Variants in APLF observed in about 807,000 individuals in gnomAD.
APLF encodes aprataxin and PNKP like factor.
A neutral mutation model predicts 55.6 loss-of-function variants in APLF; 61 were observed. The observed-to-expected ratio is 1.10, with a 90% CI of 0.89 to 1.36. The LOEUF (loss-of-function observed/expected upper bound fraction) is 1.36, where lower values mean the gene tolerates loss of function less well. Ranked by LOEUF, APLF falls within the 40% of genes most tolerant of loss-of-function variation. The probability of loss-of-function intolerance (pLI) is 0.00; values close to 1 mark genes in which losing one functional copy is unlikely to be tolerated. For missense variants in APLF, 611 were observed against 602.5 expected (o/e 1.01, Z -0.15); for synonymous variants, 207 against 214.8 (o/e 0.96, Z 0.32).
intron 8 of APLF, among the ~76,000 whole-genome samples, chr2:68,546,487 T>A (rs1670709500): frequency 6.6e-6 from 1 of 151,990 alleles, no homozygotes; most frequent in Non-Finnish European, 1.5e-5. Flanking sequence ...AGGATAAGCT[T>A]ACTTTTGAAC....
intron 5 of APLF, among the ~76,000 whole-genome samples, chr2:68,517,114 A>AATACGTTATTGATCTATAACATATTAAT (rs1471871857): frequency 1.6e-5 from 2 of 124,888 alleles, no homozygotes; most frequent in South Asian, 2.3e-4. Context: ...AATATATAAT[A>AATACGTTATTGATCTATAACATATTAAT]ATACGTTATT....
At chr2:68,535,512 T>C (rs1670362200) in intron 6 of APLF, 2 of 177,528 alleles carry the variant, frequency 1.1e-5, no homozygotes, top group Admixed American at 1.3e-4. Context: ...TTAAAAAATA[T>C]CTTTAGGTGT....
intron 9 of APLF, chr2:68,568,142 C>T (rs1005702230): frequency 5.3e-5 from 18 of 338,342 alleles, no homozygotes; most frequent in Non-Finnish European, 7.5e-5. Context: ...TCCTACTTAC[C>T]TCAATCTGTT....
chr2:68,479,626 T>C (rs948680143), intron 1 of APLF, among the ~76,000 whole-genome samples: 1 of 152,232 alleles, frequency 6.6e-6, no homozygotes, highest in African/African-American at 2.4e-5. Flanking sequence ...AGACTGCTTT[T>C]CTTTTACAAC....
Position 68,490,267 on chromosome 2 carries a change from T to C in APLF, c.168+6T>C. 6.2e-7 allele frequency: 1 copy of C among 1,609,364 alleles called. No individual in the cohort carries two copies. Among genetic ancestry groups the C allele is most frequent in the Non-Finnish European group, 8.5e-7 (1 of 1,178,178 alleles). ...GTCAGCTGCGAATCAAACCGGTAAATATGTTATTAATGATTCATTTTAACT... is the reference window on the plus strand; with the variant it reads ...GTCAGCTGCGAATCAAACCGGTAAACATGTTATTAATGATTCATTTTAACT... On this transcript the variant is annotated splice_donor_region_variant and intron_variant, in intron 2 of 9. Transcript: ENST00000303795.
intron 5 of APLF, among the ~76,000 whole-genome samples, chr2:68,518,793 TTAA>T (rs1395501583): frequency 4.0e-4 from 11 of 27,318 alleles, no homozygotes; most frequent in Non-Finnish European, 3.1e-4. Flanking sequence ...TAATAAAATA[TTAA>T]TAATCTATCA....
In APLF at chr2:68,575,683, A is replaced by G. The variant is rs111516874; in HGVS notation, c.1334-2137A>G. Among the ~76,000 whole-genome samples, 34 of 152,054 alleles carry G rather than the reference A, an allele frequency of 2.2e-4. 1 individual carries two copies. Among genetic ancestry groups the G allele is most frequent in the African/African-American group, 7.5e-4 (31 of 41,476 alleles). On this transcript the variant is annotated intron_variant, in intron 9 of 9. Transcript: ENST00000303795. Reference sequence around the variant, plus strand: ...TCTCGGTGAGGGATATTAAAGGATGACTACAAGATTTCTTGCTAAAACAAC... The same window carrying G: ...TCTCGGTGAGGGATATTAAAGGATGGCTACAAGATTTCTTGCTAAAACAAC...
At position 68,467,659 on chromosome 2, in the gene APLF, C is replaced by A; in HGVS notation, c.-73C>A. The A allele has an allele frequency of 8.5e-7, 1 of 1,178,430 alleles. No individual in the cohort carries two copies. The highest frequency in any genetic ancestry group is 1.1e-6 in the Non-Finnish European group (1 of 937,194). 73.0% of individuals were successfully genotyped at this position (1,178,430 alleles called of 1,614,324 possible). A position where few individuals can be genotyped will look rare whatever the true frequency, so the allele number is the denominator to read the frequency against. ...TTTTTCCCAGGGCGTGGGCTTGCCC[C>A]GCGCGTGTCTGTGGAGGGCGGAAAC... is the stretch of plus-strand genomic sequence containing the variant. On this transcript the variant is annotated 5_prime_UTR_variant, in exon 1 of 10. Coordinates refer to ENST00000303795, the MANE Select transcript of APLF (RefSeq NM_173545.3).
intron 9 of APLF, among the ~76,000 whole-genome samples, chr2:68,573,035 A>G (rs1671513773): frequency 6.6e-6 from 1 of 152,190 alleles, no homozygotes; most frequent in South Asian, 2.1e-4. Flanking sequence ...TCATTCTCAT[A>G]TTACAAATTC....
chr2:68,528,343 G>A (rs1670141400), intron 6 of APLF: 5 of 1,510,176 alleles, frequency 3.3e-6, no homozygotes, highest in Non-Finnish European at 3.6e-6. Flanking sequence ...CCTGCTGGAG[G>A]CGTCCTTCTC....
intron 1 of APLF, among the ~76,000 whole-genome samples, chr2:68,471,212 GTTATCATTGAGTT>G (rs1489958306): frequency 6.6e-6 from 1 of 152,126 alleles, no homozygotes; most frequent in Non-Finnish European, 1.5e-5. Flanking sequence ...ATGAAAAAGG[GTTATCATTGAGTT>G]TTGAAGTGAA....
chr2:68,499,800 T>C (rs1676666431), intron 2 of APLF, among the ~76,000 whole-genome samples: 1 of 152,094 alleles, frequency 6.6e-6, no homozygotes, highest in Non-Finnish European at 1.5e-5. Context: ...ATCATGCCAC[T>C]GCACTCCAGC....
chr2:68,499,873 G>A (rs967410945), intron 2 of APLF, among the ~76,000 whole-genome samples: 1 of 151,906 alleles, frequency 6.6e-6, no homozygotes, highest in Admixed American at 6.6e-5. Flanking sequence ...TTTCAAACAG[G>A]CTGCACATAC....
At chr2:68,545,076 GT>G in intron 7 of APLF, 110 bp from the exon 8 acceptor site, 1 of 1,285,862 alleles carries the variant, frequency 7.8e-7, no homozygotes. Context: ...TAGCATGTTG[GT>G]TTATGTTCAA....
intron 6 of APLF, among the ~76,000 whole-genome samples, chr2:68,528,053 G>A (rs1158361768): frequency 2.6e-5 from 4 of 151,910 alleles, no homozygotes; most frequent in Non-Finnish European, 5.9e-5. Flanking sequence ...TCACTGCCCA[G>A]ACAGTGCGGT....
intron 7 of APLF, among the ~76,000 whole-genome samples, chr2:68,541,093 T>A (rs1423084272): frequency 6.6e-6 from 1 of 152,158 alleles, no homozygotes; most frequent in Non-Finnish European, 1.5e-5. Flanking sequence ...TAATTGGATA[T>A]TCATATGAAA....
intron 8 of APLF, among the ~76,000 whole-genome samples, chr2:68,565,201 C>A (rs1429610347): frequency 6.7e-6 from 1 of 149,052 alleles, no homozygotes; most frequent in Non-Finnish European, 1.5e-5. Context: ...TATCACAGCT[C>A]TCAAAAGCAA....
intron 1 of APLF, among the ~76,000 whole-genome samples, chr2:68,469,065 G>A (rs1292586522): frequency 1.3e-5 from 2 of 151,728 alleles, no homozygotes; most frequent in South Asian, 4.2e-4. Context: ...ATGTGGTAAG[G>A]TTATTGAGGA....
At chr2:68,477,852 G>T (rs922772772) in intron 1 of APLF, among the ~76,000 whole-genome samples, 2 of 152,052 alleles carry the variant, frequency 1.3e-5, no homozygotes, top group Non-Finnish European at 2.9e-5. Flanking sequence ...ATCAGATCTC[G>T]TGAGACTTAT....
Sources: gnomAD v4.1 joint callset for allele counts (sites outside exome capture counted in the v4.1 genomes callset) on GRCh38, gnomAD v4.1.1 for gene constraint, MANE v1.5 for transcripts, NCBI Gene and HGNC (gene_info 2026-07-23, HGNC 2026-07-21) for gene names.